Variants in PCSK5 observed in about 807,000 individuals in gnomAD.
PCSK5 encodes prohormone convertase 5.
A neutral mutation model predicts 233.2 loss-of-function variants in PCSK5; 129 were observed. The ratio of observed to expected loss-of-function variants is 0.55; its 90% CI spans 0.48 to 0.64. PCSK5 has a LOEUF of 0.64. Among genes scored for constraint, PCSK5 ranks in the 30% least tolerant of loss-of-function variants. The pLI is 0.00. For synonymous variants in PCSK5, 825 were observed against 879.2 expected (o/e 0.94, Z 1.09); for missense variants, 2,076 against 2,430.1 (o/e 0.85, Z 3.06).
chr9:76,262,897 C>T (rs887140699), intron 24 of PCSK5, among the ~76,000 whole-genome samples: 1 of 151,474 alleles, frequency 6.6e-6, no homozygotes, highest in African/African-American at 2.4e-5. Context: ...GGGCTAATAT[C>T]CAGAATCTAC....
chr9:76,131,149 T>G (rs1564049918), intron 9 of PCSK5, among the ~76,000 whole-genome samples: 2 of 152,130 alleles, frequency 1.3e-5, no homozygotes, highest in Non-Finnish European at 2.9e-5. Context: ...TTATGAGATC[T>G]CTCATAGTTT....
intron 9 of PCSK5, among the ~76,000 whole-genome samples, chr9:76,112,779 C>G (rs1832276234): frequency 6.6e-6 from 1 of 151,892 alleles, no homozygotes; most frequent in Admixed American, 6.6e-5. Flanking sequence ...CAAATGTACA[C>G]TAACAGATAT....
intron 7 of PCSK5, among the ~76,000 whole-genome samples, chr9:76,089,167 T>C (rs1336508063): frequency 3.9e-5 from 6 of 152,154 alleles, no homozygotes; most frequent in African/African-American, 1.4e-4. Flanking sequence ...ATCCAGGTAA[T>C]ATGGAGTACG....
At chr9:76,139,421 T>G (rs1472491234) in intron 10 of PCSK5, among the ~76,000 whole-genome samples, 1 of 152,114 alleles carries the variant, frequency 6.6e-6, no homozygotes, top group Non-Finnish European at 1.5e-5. Context: ...ATAAGGCACT[T>G]TAATTGGTAA....
chr9:76,025,153 A>C (rs1239422108), intron 4 of PCSK5, among the ~76,000 whole-genome samples: 1 of 152,160 alleles, frequency 6.6e-6, no homozygotes, highest in Admixed American at 6.5e-5. Flanking sequence ...GGCTCTATGT[A>C]CTAAAAGTTA....
chr9:75,991,954 G>C (rs182233355), intron 3 of PCSK5, among the ~76,000 whole-genome samples: 3 of 152,204 alleles, frequency 2.0e-5, no homozygotes, highest in African/African-American at 7.2e-5. Context: ...AAATTAGTTA[G>C]GCTTGGTGGC....
chr9:76,036,969 T>C (rs890694000), intron 5 of PCSK5, among the ~76,000 whole-genome samples: 1 of 152,262 alleles, frequency 6.6e-6, no homozygotes, highest in African/African-American at 2.4e-5. Context: ...CTCAGGTCCC[T>C]GTTTCTCCAG....
At chr9:76,068,709 T>C (rs1457881296) in intron 6 of PCSK5, among the ~76,000 whole-genome samples, 1 of 152,196 alleles carries the variant, frequency 6.6e-6, no homozygotes, top group Non-Finnish European at 1.5e-5. Context: ...TTTGTAATCA[T>C]CTTTGTAAGC....
intron 24 of PCSK5, among the ~76,000 whole-genome samples, chr9:76,241,214 G>A (rs1826420208): frequency 6.6e-6 from 1 of 152,150 alleles, no homozygotes; most frequent in Non-Finnish European, 1.5e-5. Flanking sequence ...GGCCAAGGTG[G>A]GTGGATCACC....
At chr9:76,219,405 C>T (rs1825649159) in intron 20 of PCSK5, among the ~76,000 whole-genome samples, 1 of 151,854 alleles carries the variant, frequency 6.6e-6, no homozygotes, top group African/African-American at 2.4e-5. Context: ...CATTGGGTTG[C>T]TAAAAAAACG....
chr9:76,046,120 A>G (rs1234660764), intron 5 of PCSK5, among the ~76,000 whole-genome samples: 1 of 149,044 alleles, frequency 6.7e-6, no homozygotes, highest in East Asian at 2.0e-4. Flanking sequence ...GAATGTTCAA[A>G]TACTAACTTT....
At chr9:76,006,516 G>A (rs577062165) in intron 3 of PCSK5, among the ~76,000 whole-genome samples, 13 of 152,052 alleles carry the variant, frequency 8.5e-5, no homozygotes, top group Admixed American at 2.0e-4. Flanking sequence ...AATCAGATCC[G>A]TTGAGTCTAC....
chr9:75,952,811 G>A (rs945315036), intron 2 of PCSK5, among the ~76,000 whole-genome samples: 2 of 152,204 alleles, frequency 1.3e-5, no homozygotes, highest in Admixed American at 6.5e-5. Context: ...GTTCATTTCT[G>A]TTGCTTAGTA....
At chr9:76,163,498 A>C (rs940246884) in intron 12 of PCSK5, among the ~76,000 whole-genome samples, 1 of 152,230 alleles carries the variant, frequency 6.6e-6, no homozygotes, top group African/African-American at 2.4e-5. Flanking sequence ...CCCGTGGATC[A>C]TTCAGTGGGT....
At position 76,041,287 on chromosome 9, in the gene PCSK5, G is replaced by A. The variant is rs551850623; in HGVS notation, c.632+14250G>A. ...AGGTTAAATTCAGAGAAGACTTCTGGAGGCAATAGTATTTCACCTGAGTCT... is the reference window on the plus strand; with the variant it reads ...AGGTTAAATTCAGAGAAGACTTCTGAAGGCAATAGTATTTCACCTGAGTCT... On this transcript the variant is annotated intron_variant, in intron 5 of 37. Transcript: ENST00000674117. Among the ~76,000 whole-genome samples, 17 of 152,266 alleles carry A rather than the reference G, an allele frequency of 1.1e-4. No homozygotes were observed. In the South Asian group the frequency reaches 3.1e-3, roughly 28 times the overall value.
intron 1 of PCSK5, among the ~76,000 whole-genome samples, chr9:75,922,541 G>A (rs1823300712): frequency 6.6e-6 from 1 of 152,200 alleles, no homozygotes; most frequent in South Asian, 2.1e-4. Flanking sequence ...TTGGCTGTCT[G>A]CCATGTAGAA....
chr9:76,197,898 G>C (rs1260678450), intron 20 of PCSK5, among the ~76,000 whole-genome samples: 1 of 152,214 alleles, frequency 6.6e-6, no homozygotes, highest in African/African-American at 2.4e-5. Flanking sequence ...TTTTCACACA[G>C]AATACTTTAG....
chr9:76,332,656 C>A lies in PCSK5; in HGVS notation c.4748+46C>A, dbSNP rs1587342436. Reference sequence around the variant, plus strand: ...CCCCCATGTAATTTCACAGCCACAGCAGATATCAACCCATTTTACAAATGA... The same window carrying A: ...CCCCCATGTAATTTCACAGCCACAGAAGATATCAACCCATTTTACAAATGA... On this transcript the variant is annotated intron_variant, in intron 34 of 37. Transcript: ENST00000674117. 7.5e-6 allele frequency: 10 copies of A among 1,331,808 alleles called. No individual in the cohort carries two copies. The East Asian group carries it at 2.5e-4, about 34-fold the overall frequency. The allele number at this position is 1,331,808 out of a possible 1,614,324, so 82.5% of individuals were successfully genotyped here. A position where few individuals can be genotyped will look rare whatever the true frequency, so the allele number is the denominator to read the frequency against.
At chr9:76,052,605 A>C (rs1338807944) in intron 5 of PCSK5, among the ~76,000 whole-genome samples, 24 of 152,146 alleles carry the variant, frequency 1.6e-4, no homozygotes, top group Admixed American at 7.9e-4. Flanking sequence ...GGCAGCTACA[A>C]TTCAAGATGA....
Sources: gnomAD v4.1 joint callset for allele counts (sites outside exome capture counted in the v4.1 genomes callset) on GRCh38, gnomAD v4.1.1 for gene constraint, MANE v1.5 for transcripts, NCBI Gene and HGNC (gene_info 2026-07-23, HGNC 2026-07-21) for gene names.